The following ZC3H12B variants were observed in gnomAD, a reference collection of about 807,000 sequenced individuals.
The protein encoded by ZC3H12B is zinc finger CCCH-type containing 12B, also known as probable ribonuclease ZC3H12B.
Under a neutral mutation model 43.9 loss-of-function variants are expected in ZC3H12B, and 7 were observed. That is an observed-to-expected ratio of 0.16 (90% CI 0.09 to 0.30). The LOEUF is 0.30. ZC3H12B is among the 10% of genes least tolerant of loss of function. The probability of loss-of-function intolerance (pLI) is 1.00; values close to 1 mark genes in which losing one functional copy is unlikely to be tolerated. For synonymous variants in ZC3H12B, 222 were observed against 241.7 expected (o/e 0.92, Z 0.76); for missense variants, 475 against 670.2 (o/e 0.71, Z 3.22).
At chrX:65,147,483 A>G in the ZC3H12B span, among the ~76,000 whole-genome samples, 1 of 110,392 alleles carries the variant, frequency 9.1e-6, no homozygotes, top group Non-Finnish European at 1.9e-5. Flanking sequence ...GCCTGGGTCT[A>G]TAGGGGCTGA....
intron 3 of ZC3H12B, chrX:65,407,948 C>T: frequency 1.3e-6 from 1 of 757,893 alleles, no homozygotes; most frequent in Non-Finnish European, 1.9e-6. Flanking sequence ...CGGCCTAGCG[C>T]GCCTGCGTGC....
intron 3 of ZC3H12B, among the ~76,000 whole-genome samples, chrX:65,405,806 A>T (rs1002120033): frequency 8.9e-6 from 1 of 112,035 alleles, no homozygotes; most frequent in Non-Finnish European, 1.9e-5. Context: ...GAAATGAAAA[A>T]GGAGACATTA....
the ZC3H12B span, among the ~76,000 whole-genome samples, chrX:65,086,150 C>A: frequency 9.5e-6 from 1 of 105,063 alleles, no homozygotes; most frequent in African/African-American, 3.5e-5. Flanking sequence ...CCTGCTCTTT[C>A]TTTGCCTTCT....
the ZC3H12B span, among the ~76,000 whole-genome samples, chrX:65,156,702 G>C: frequency 9.0e-6 from 1 of 110,516 alleles, no homozygotes; most frequent in Admixed American, 9.7e-5. Context: ...TTTTTGTAGA[G>C]ACAGGATCTC....
At chrX:65,245,014 G>A in the ZC3H12B span, among the ~76,000 whole-genome samples, 4 of 110,895 alleles carry the variant, frequency 3.6e-5, no homozygotes, top group South Asian at 7.6e-4. Context: ...ATATTGATAC[G>A]TAGAGAAGAT....
At chrX:65,100,936 A>T in the ZC3H12B span, among the ~76,000 whole-genome samples, 3 of 111,864 alleles carry the variant, frequency 2.7e-5, no homozygotes, top group African/African-American at 9.7e-5. Flanking sequence ...AATCAGCAGA[A>T]TATACATTCT....
At chrX:65,251,111 A>T in the ZC3H12B span, among the ~76,000 whole-genome samples, 1 of 111,784 alleles carries the variant, frequency 8.9e-6, no homozygotes, top group Non-Finnish European at 1.9e-5. Context: ...AATTAATTTT[A>T]GTATAAGGTG....
chrX:65,287,989 C>CATAT, the ZC3H12B span, among the ~76,000 whole-genome samples: 960 of 90,381 alleles, frequency 0.011, 6 homozygotes, highest in African/African-American at 0.032. Context: ...ATTTTATATA[C>CATAT]ATATATATAT....
At chrX:65,375,470 G>A (rs925821209) in intron 2 of ZC3H12B, among the ~76,000 whole-genome samples, 8 of 112,371 alleles carry the variant, frequency 7.1e-5, no homozygotes, top group Non-Finnish European at 1.3e-4. Flanking sequence ...TAGTGGCTAA[G>A]GGAGCACATG....
chrX:65,403,040 T>C (rs1319202602), intron 3 of ZC3H12B, among the ~76,000 whole-genome samples: 1 of 112,088 alleles, frequency 8.9e-6, no homozygotes, highest in Non-Finnish European at 1.9e-5. Context: ...GACAGGGAAT[T>C]CAAAATAGCT....
chrX:65,074,452 C>T, the ZC3H12B span, among the ~76,000 whole-genome samples: 2 of 110,872 alleles, frequency 1.8e-5, no homozygotes, highest in Non-Finnish European at 3.8e-5. Context: ...AGTTTGAAGC[C>T]CTTTGGTTTC....
chrX:65,085,417 TA>T, the ZC3H12B span, among the ~76,000 whole-genome samples: 5 of 110,286 alleles, frequency 4.5e-5, no homozygotes, highest in Non-Finnish European at 7.6e-5. Context: ...AAATTAAAAA[TA>T]AAAAAAAATT....
At chrX:65,417,593 A>C (rs904507407) in intron 3 of ZC3H12B, among the ~76,000 whole-genome samples, 12 of 112,481 alleles carry the variant, frequency 1.1e-4, no homozygotes, top group African/African-American at 3.9e-4. Context: ...AAGCTTCTGT[A>C]CCAAAAGGGT....
the ZC3H12B span, among the ~76,000 whole-genome samples, chrX:65,268,633 C>A: frequency 1.8e-5 from 2 of 112,513 alleles, no homozygotes; most frequent in African/African-American, 6.4e-5. Flanking sequence ...ACATTACATT[C>A]ACCAAATATA....
chrX:65,055,140 G>C, the ZC3H12B span, among the ~76,000 whole-genome samples: 10 of 111,369 alleles, frequency 9.0e-5, no homozygotes, highest in Non-Finnish European at 1.1e-4. Context: ...GGAGTGGTGA[G>C]AGAGGGCATC....
chrX:65,374,083 T>A (rs2066307313), intron 2 of ZC3H12B, among the ~76,000 whole-genome samples: 1 of 63,275 alleles, frequency 1.6e-5, no homozygotes, highest in African/African-American at 9.3e-5. Context: ...TATAACTATA[T>A]ATAGTATATA....
the ZC3H12B span, among the ~76,000 whole-genome samples, chrX:65,073,568 TAA>T: frequency 1.8e-5 from 2 of 111,856 alleles, no homozygotes; most frequent in African/African-American, 6.5e-5. Flanking sequence ...CCCCTAGAGC[TAA>T]AGTTTCCTAT....
chrX:65,361,842 C>T (rs140929717), upstream of ZC3H12B, among the ~76,000 whole-genome samples: 14 of 111,770 alleles, frequency 1.3e-4, no homozygotes, highest in Admixed American at 1.3e-3. Context: ...GTAGAGGCAG[C>T]CAAGTAGCAA....
At chrX:65,247,785 T>C in the ZC3H12B span, among the ~76,000 whole-genome samples, 1 of 111,549 alleles carries the variant, frequency 9.0e-6, no homozygotes, top group African/African-American at 3.3e-5. Context: ...AATGCTAGGC[T>C]CAGTATCTAG....
Sources: gnomAD v4.1 joint callset for allele counts (sites outside exome capture counted in the v4.1 genomes callset) on GRCh38, gnomAD v4.1.1 for gene constraint, MANE v1.5 for transcripts, NCBI Gene and HGNC (gene_info 2026-07-23, HGNC 2026-07-21) for gene names.